The following KIF5C variants were observed in gnomAD, a reference collection of about 807,000 sequenced individuals.
KIF5C encodes kinesin heavy chain isoform 5C.
KIF5C carries 18 observed loss-of-function variants against 125.2 expected under a neutral mutation model. That is an observed-to-expected ratio of 0.14 (90% CI 0.10 to 0.21). The LOEUF is 0.21. Among genes scored for constraint, KIF5C ranks in the 10% least tolerant of loss-of-function variants. The pLI, the probability that KIF5C is intolerant of heterozygous loss-of-function variation, is 1.00. For synonymous variants in KIF5C, 405 were observed against 434.0 expected (o/e 0.93, Z 0.83); for missense variants, 780 against 1,183.8 (o/e 0.66, Z 5.01).
chr2:148,998,647 TG>T, intron 19 of KIF5C, 138 bp downstream of exon 19: 2 of 1,350,926 alleles, frequency 1.5e-6, no homozygotes, highest in Non-Finnish European at 2.0e-6. Flanking sequence ...CACAGCAGGC[TG>T]GGCGGGCTGC....
chr2:148,990,325 T>C (rs1026592250), intron 15 of KIF5C, among the ~76,000 whole-genome samples: 2 of 152,216 alleles, frequency 1.3e-5, no homozygotes, highest in Non-Finnish European at 2.9e-5. Context: ...TGATCTTAAA[T>C]AATGAGCTAG....
chr2:148,962,613 A>G (rs1280815796), intron 11 of KIF5C, among the ~76,000 whole-genome samples: 1 of 152,166 alleles, frequency 6.6e-6, no homozygotes, highest in African/African-American at 2.4e-5. Context: ...TCCCTAACAC[A>G]GGCACCATCC....
intron 15 of KIF5C, among the ~76,000 whole-genome samples, chr2:148,986,352 A>G (rs967922434): frequency 6.6e-6 from 1 of 152,158 alleles, no homozygotes; most frequent in African/African-American, 2.4e-5. Context: ...CATCATTTCT[A>G]TCATTCTGGT....
At chr2:148,940,850 T>G (rs1318117579) in intron 4 of KIF5C, among the ~76,000 whole-genome samples, 1 of 152,108 alleles carries the variant, frequency 6.6e-6, no homozygotes, top group Non-Finnish European at 1.5e-5. Context: ...GACCACATAT[T>G]TAGTTAAAGC....
intron 3 of KIF5C, among the ~76,000 whole-genome samples, chr2:148,935,377 A>T (rs1410013190): frequency 1.3e-5 from 2 of 152,266 alleles, no homozygotes; most frequent in Admixed American, 1.3e-4. Context: ...AAGCTAAAGG[A>T]TTATCATGAA....
chr2:149,009,225 C>T (rs1430977984), intron 23 of KIF5C, among the ~76,000 whole-genome samples: 1 of 151,876 alleles, frequency 6.6e-6, no homozygotes, highest in Non-Finnish European at 1.5e-5. Context: ...CCACTGACCT[C>T]GTGATCCGCC....
At chr2:149,007,347 G>A (rs147952159) in intron 22 of KIF5C, among the ~76,000 whole-genome samples, 77 of 152,306 alleles carry the variant, frequency 5.1e-4, no homozygotes, top group Non-Finnish European at 9.6e-4. Context: ...CAATTTATCT[G>A]TGCCACTCGG....
chr2:148,962,513 A>G (rs1682953812), intron 11 of KIF5C, among the ~76,000 whole-genome samples: 1 of 151,982 alleles, frequency 6.6e-6, no homozygotes, highest in African/African-American at 2.4e-5. Context: ...GACTGTTGGC[A>G]TCCTGGGAGA....
rs1324084815 is a variant in KIF5C at position 149,026,097 on chromosome 2, T to A, written c.*3027T>A. ...CAAAGCAAATAAAAGTTCTTAACAA[T>A]CCCCTCTTTCGAAGTGCATTTTTTT... On this transcript the variant is annotated 3_prime_UTR_variant, in exon 26 of 26. Transcript: ENST00000435030. 1 of 152,552 alleles carries A rather than the reference T, an allele frequency of 6.6e-6. No individual in the cohort carries two copies. Among genetic ancestry groups the A allele is most frequent in the Non-Finnish European group, 1.5e-5 (1 of 68,026 alleles). 9.4% of individuals were successfully genotyped at this position (152,552 alleles called of 1,614,324 possible).
chr2:148,931,415 G>T (rs141297295), intron 3 of KIF5C, among the ~76,000 whole-genome samples: 3 of 152,158 alleles, frequency 2.0e-5, no homozygotes, highest in Admixed American at 1.3e-4. Context: ...GAGGCCAGGC[G>T]TGGTGGCTTA....
chr2:148,954,028 C>A (rs1411605708), intron 10 of KIF5C, among the ~76,000 whole-genome samples: 1 of 151,456 alleles, frequency 6.6e-6, no homozygotes, highest in Non-Finnish European at 1.5e-5. Flanking sequence ...TATCCCTCCC[C>A]TAGCCCCCCA....
chr2:148,962,291 G>A (rs1028993596), intron 11 of KIF5C, among the ~76,000 whole-genome samples, 172 bp downstream of exon 11: 1 of 151,668 alleles, frequency 6.6e-6, no homozygotes, highest in Non-Finnish European at 1.5e-5. Context: ...TCAGCCTCCC[G>A]AGTAGCTGGG....
At chr2:148,893,063 A>G (rs1056245514) in intron 1 of KIF5C, among the ~76,000 whole-genome samples, 2 of 152,210 alleles carry the variant, frequency 1.3e-5, no homozygotes, top group African/African-American at 4.8e-5. Context: ...TTAATCTTAG[A>G]ACAAGGTTTG....
rs775426331 is a variant in KIF5C at position 149,011,584 on chromosome 2, C to T, written c.2782C>T (p.Pro928Ser). ...HSAQIAKPIR[P>S]GHYPASSPTA... ...GTTGGATACAGCCAAGCCCATCCGC[C>T]CCGGACACTACCCGGCCTCATCTCC... Residue 928 changes from proline to serine, a missense_variant, in exon 25 of 26, where the codon CCC becomes TCC. Pro to Ser is a moderately conservative substitution (Grantham distance 74). Coordinates refer to ENST00000435030, the MANE Select transcript of KIF5C (RefSeq NM_004522.3). 1 of 1,614,044 alleles carries T rather than the reference C, an allele frequency of 6.2e-7. No homozygotes were observed. The highest frequency in any genetic ancestry group is 1.7e-5 in the Admixed American group (1 of 60,036).
intron 1 of KIF5C, among the ~76,000 whole-genome samples, chr2:148,877,521 C>A (rs556036201): frequency 2.8e-4 from 42 of 152,358 alleles, no homozygotes; most frequent in Non-Finnish European, 5.0e-4. Flanking sequence ...CAGCTCTCAG[C>A]CAGTATCTGC....
chr2:149,001,466 T>C (rs533196462), intron 21 of KIF5C, among the ~76,000 whole-genome samples: 1 of 152,012 alleles, frequency 6.6e-6, no homozygotes, highest in Admixed American at 6.5e-5. Context: ...GGATATAAGG[T>C]GAGCACAGAG....
chr2:148,961,310 G>A (rs1307821488), intron 10 of KIF5C, among the ~76,000 whole-genome samples: 1 of 152,114 alleles, frequency 6.6e-6, no homozygotes, highest in Non-Finnish European at 1.5e-5. Context: ...GGGGGCGGGT[G>A]TGTGCTCAGC....
chr2:149,019,041 TG>T (rs1176838012), intron 25 of KIF5C, among the ~76,000 whole-genome samples: 3 of 152,220 alleles, frequency 2.0e-5, no homozygotes, highest in African/African-American at 4.8e-5. Context: ...CAAATGGCAT[TG>T]TTTTACATTT....
chr2:149,006,907 A>G (rs1019564268), intron 22 of KIF5C, among the ~76,000 whole-genome samples: 2 of 152,128 alleles, frequency 1.3e-5, no homozygotes, highest in African/African-American at 4.8e-5. Flanking sequence ...ATGACCATAC[A>G]TGGGAGGCTG....
Sources: allele counts gnomAD v4.1 joint callset (sites outside exome capture counted in the v4.1 genomes callset), GRCh38; gene constraint gnomAD v4.1.1; transcripts MANE v1.5; gene names NCBI Gene and HGNC (gene_info 2026-07-23, HGNC 2026-07-21).